The following DNAJB1 variants were observed in gnomAD, a reference collection of about 807,000 sequenced individuals.
DNAJB1 encodes the protein DnaJ heat shock protein family (Hsp40) member B1.
In DNAJB1, 14 loss-of-function variants were observed where a neutral mutation model predicts 24.0. The observed-to-expected ratio is 0.58, with a 90% CI of 0.39 to 0.91. The LOEUF (loss-of-function observed/expected upper bound fraction) is 0.91, where lower values mean the gene tolerates loss of function less well. DNAJB1 is among the 40% of genes least tolerant of loss of function. DNAJB1 has a pLI of 0.00. For synonymous variants in DNAJB1, 262 were observed against 174.4 expected (o/e 1.50, Z -3.96); for missense variants, 517 against 458.1 (o/e 1.13, Z -1.17).
chr19:14,553,733 G>A (rs1026107341), upstream of DNAJB1, among the ~76,000 whole-genome samples: 2 of 152,166 alleles, frequency 1.3e-5, no homozygotes, highest in African/African-American at 4.8e-5. Context: ...CGAGGTGGCC[G>A]GCGTGGCTCT....
At chr19:14,543,419 ATTTTTT>A (rs1169742953) in intron 1 of DNAJB1, among the ~76,000 whole-genome samples, 8 of 21,854 alleles carry the variant, frequency 3.7e-4, no homozygotes, top group East Asian at 1.5e-3. Context: ...ATATATATAT[ATTTTTT>A]TTTTTTTTTT....
chr19:14,516,088 C>G lies in DNAJB1; in HGVS notation c.875G>C (p.Gly292Ala). 6.2e-7 allele frequency: 1 copy of G among 1,613,926 alleles called. No homozygotes were observed. ...PVVFKDVIRP[G>A]MRRKVPGEGL... Reference sequence around the variant, plus strand: ...TTCTCCAGGAACTTTTCGCCGCATGCCAGGCCTGATAACATCTTTGAATAC... The same window carrying G: ...TTCTCCAGGAACTTTTCGCCGCATGGCAGGCCTGATAACATCTTTGAATAC... The change falls in exon 3 of 3, where the codon GGC (glycine) becomes GCC (alanine). Residue 292 changes from glycine to alanine, a missense_variant. Gly to Ala is a moderately conservative substitution (Grantham distance 60, BLOSUM62 0). Coordinates refer to ENST00000254322, the MANE Select transcript of DNAJB1 (RefSeq NM_006145.3).
chr19:14,541,360 C>T (rs181304264), intron 1 of DNAJB1, among the ~76,000 whole-genome samples: 18 of 152,312 alleles, frequency 1.2e-4, no homozygotes, highest in African/African-American at 3.8e-4. Context: ...CATCTCAACC[C>T]TCCTGGCACA....
At chr19:14,557,114 C>CTTATTTATTTATTTATTTATTTAT (rs3050003) in intron 1 of DNAJB1, among the ~76,000 whole-genome samples, 50 of 140,450 alleles carry the variant, frequency 3.6e-4, no homozygotes, top group Middle Eastern at 7.0e-3. Flanking sequence ...TTGGTCTAAT[C>CTTATTTATTTATTTATTTATTTAT]TTATTTATTT....
upstream of DNAJB1, chr19:14,531,009 T>C (rs1480395499): frequency 3.3e-5 from 5 of 152,324 alleles, no homozygotes; most frequent in East Asian, 9.6e-4. Flanking sequence ...AATTGACTAC[T>C]CTAGGTACCT....
At chr19:14,526,151 A>G (rs1007594644) in intron 2 of DNAJB1, among the ~76,000 whole-genome samples, 1 of 152,194 alleles carries the variant, frequency 6.6e-6, no homozygotes, top group Non-Finnish European at 1.5e-5. Flanking sequence ...CATCCTTGGA[A>G]GCTGCCGCAG....
At chr19:14,522,192 G>A (rs925100906), upstream of DNAJB1, among the ~76,000 whole-genome samples, 2 of 152,142 alleles carry the variant, frequency 1.3e-5, no homozygotes, top group Non-Finnish European at 2.9e-5. Context: ...TAATCTAGGT[G>A]TTGCTGTGAA....
intron 1 of DNAJB1, among the ~76,000 whole-genome samples, chr19:14,559,963 G>T (rs915956465): frequency 8.0e-6 from 1 of 124,608 alleles, no homozygotes; most frequent in Non-Finnish European, 1.7e-5. Flanking sequence ...TCCTGCCCAG[G>T]TGGCCCTAGC....
intron 1 of DNAJB1, among the ~76,000 whole-genome samples, chr19:14,536,334 A>G (rs1452402865): frequency 2.0e-5 from 3 of 147,464 alleles, no homozygotes; most frequent in Non-Finnish European, 4.4e-5. Flanking sequence ...CAGTGGTGCC[A>G]TCTAGGCTCA....
At chr19:14,529,852 GC>G (rs1212630124), upstream of DNAJB1, 1 of 1,159,030 alleles carries the variant, frequency 8.6e-7, no homozygotes, top group African/African-American at 1.5e-5. Context: ...CAAGCGTTGC[GC>G]CCCGGGCCAC....
At chr19:14,517,271 G>T (rs116519330) in intron 1 of DNAJB1, 13 of 537,742 alleles carry the variant, frequency 2.4e-5, no homozygotes, top group Non-Finnish European at 4.3e-5. Context: ...GACTCATGCG[G>T]TTAGGTGTTC....
At position 14,558,945 on chromosome 19, in the gene DNAJB1, G is replaced by A. The variant is rs1599487074; in HGVS notation, c.-2166+1086C>T. The stretch of plus-strand genomic sequence containing the variant: ...CTCTGCAGCCCTGGGCTTCCCCTGG[G>A]AGCCCCTGCCCCCTGTTGGCCTCAG... On this transcript the variant is annotated intron_variant, in intron 1 of 5. Transcript: ENST00000679223. 2.0e-5 allele frequency among the ~76,000 whole-genome samples: 3 copies of A among 152,322 alleles called. No homozygotes were observed. In the Middle Eastern group the frequency reaches 0.01, roughly 518 times the overall value.
chr19:14,515,860 T>C lies in DNAJB1; in HGVS notation c.*80A>G, dbSNP rs945341670. 3.1e-5 allele frequency: 41 copies of C among 1,328,844 alleles called. No individual in the cohort carries two copies. Among genetic ancestry groups the C allele is most frequent in the Non-Finnish European group, 4.0e-5 (38 of 951,504 alleles). 82.3% of individuals were successfully genotyped at this position (1,328,844 alleles called of 1,614,324 possible). On this transcript the variant is annotated 3_prime_UTR_variant, in exon 3 of 3. Transcript: ENST00000254322. ...CTCCCTGGGCCCTCCCACCCTCTCATGGTCCACAACTGGTAGAAAGGTCCA... is the reference window on the plus strand; with the variant it reads ...CTCCCTGGGCCCTCCCACCCTCTCACGGTCCACAACTGGTAGAAAGGTCCA...
At chr19:14,542,690 A>G (rs1161573054) in intron 1 of DNAJB1, among the ~76,000 whole-genome samples, 1 of 152,156 alleles carries the variant, frequency 6.6e-6, no homozygotes, top group East Asian at 1.9e-4. Context: ...AAAAATGCAC[A>G]GAGCATTTGT....
At chr19:14,545,194 C>A (rs1353302184) in intron 1 of DNAJB1, 1 of 456,638 alleles carries the variant, frequency 2.2e-6, no homozygotes. Flanking sequence ...AAACCTAAAG[C>A]ACTTGTCTTG....
chr19:14,547,527 AT>A lies in DNAJB1; in HGVS notation c.-214+2680del, dbSNP rs543223507. Among the ~76,000 whole-genome samples the A allele has an allele frequency of 4.7e-4, 71 of 152,132 alleles. 1 individual carries two copies. The South Asian group carries it at 0.014, about 30-fold the overall frequency. On this transcript the variant is annotated intron_variant, in intron 1 of 3. Coordinates refer to the DNAJB1 transcript ENST00000676982. Reference sequence around the variant, plus strand: ...AGGCATGTGCCACCACACCTGGCTAATTTTTTGTATTTTCAGTCGAGATGAG... The same window carrying A: ...AGGCATGTGCCACCACACCTGGCTAATTTTTGTATTTTCAGTCGAGATGAG...
upstream of DNAJB1, chr19:14,518,498 C>T (rs2072320206): frequency 3.5e-6 from 2 of 578,302 alleles, no homozygotes; most frequent in Admixed American, 4.4e-5. Flanking sequence ...CCCGCGGCGC[C>T]GGCCAATCGC....
upstream of DNAJB1, among the ~76,000 whole-genome samples, chr19:14,523,029 C>T (rs931019809): frequency 5.5e-5 from 5 of 90,878 alleles, no homozygotes; most frequent in South Asian, 4.3e-4. Context: ...GCCTGTCCAA[C>T]GTGGTGTCTC....
At chr19:14,521,976 T>TAAAC (rs904925061), upstream of DNAJB1, among the ~76,000 whole-genome samples, 1 of 152,010 alleles carries the variant, frequency 6.6e-6, no homozygotes, top group African/African-American at 2.4e-5. Flanking sequence ...GCCAGGAAAT[T>TAAAC]AAACAAACAA....
Sources: gnomAD v4.1 joint callset for allele counts (sites outside exome capture counted in the v4.1 genomes callset) on GRCh38, gnomAD v4.1.1 for gene constraint, MANE v1.5 for transcripts, NCBI Gene and HGNC (gene_info 2026-07-23, HGNC 2026-07-21) for gene names.